Variants in IGSF22 observed in about 807,000 individuals in gnomAD.
The protein encoded by IGSF22 is immunoglobulin superfamily member 22, also known as immunoglobulin superfamily, member 22.
Under a neutral mutation model 127.0 loss-of-function variants are expected in IGSF22, and 119 were observed. The ratio of observed to expected loss-of-function variants is 0.94; its 90% CI spans 0.81 to 1.09. The LOEUF is 1.09. Among genes scored for constraint, IGSF22 ranks in the 50% least tolerant of loss-of-function variants. IGSF22 has a pLI of 0.00. For synonymous variants in IGSF22, 568 were observed against 664.7 expected, an observed-to-expected ratio of 0.85 and a Z score of 2.24; for missense variants, 1,518 against 1,716.6, an observed-to-expected ratio of 0.88 and a Z score of 2.04.
chr11:18,705,290 C>G (rs1438442485), intron 22 of IGSF22: 1 of 151,680 alleles, frequency 6.6e-6, no homozygotes, highest in Non-Finnish European at 1.5e-5. Context: ...AGACAGTAGA[C>G]TGGGAAGGAA....
rs1198880037 is a variant in IGSF22 at position 18,715,460 on chromosome 11, G to A, written c.1503C>T (p.Tyr501=). 2 of 1,613,042 alleles carry A rather than the reference G, an allele frequency of 1.2e-6. No homozygotes were observed. Among genetic ancestry groups the A allele is most frequent in the Non-Finnish European group, 1.7e-6 (2 of 1,179,890 alleles). ...CCACAGTGACGATGGCAGTACTGTA[G>A]TATTCAGTAGGGTCTCCATCCTGCA... ...VAMQDGDPTE[Y]YSTAIVTVEE... The change falls in exon 11 of 23, where the codon TAC becomes TAT. Residue 501 remains tyrosine, a synonymous_variant. Transcript: ENST00000513874.
In IGSF22 at chr11:18,718,031, G is replaced by T; in HGVS notation, c.873C>A (p.Thr291=). Residue 291 remains threonine, a synonymous_variant, in exon 9 of 23, where the codon ACC becomes ACA. Transcript: ENST00000513874. ...CGTTGCTAATAACCAGCATGTACTT[G>T]GTGCCCATCTGCTTCACATCGTACT... The part of the protein sequence containing the change: ...LGKYDVKQMG[T]KYMLVISNVN... 1.2e-6 allele frequency: 2 copies of T among 1,614,184 alleles called. No homozygotes were observed. Among genetic ancestry groups the T allele is most frequent in the Middle Eastern group, 1.6e-4 (1 of 6,062 alleles).
chr11:18,714,642 C>T lies in IGSF22; in HGVS notation c.1532-18G>A, dbSNP rs764912780. On this transcript the variant is annotated intron_variant, in intron 11 of 22. Transcript: ENST00000513874. ...CAGACGCTCTGGGGAGAAAGGTGGG[C>T]AAGGGACTGGCTCAGGATGTTGGGG... The T allele has an allele frequency of 2.5e-6, 4 of 1,612,884 alleles. No homozygotes were observed. Among genetic ancestry groups the T allele is most frequent in the African/African-American group, 2.7e-5 (2 of 74,902 alleles).
Position 18,713,832 on chromosome 11 carries a change from C to T in IGSF22, c.2095+20G>A, listed in dbSNP as rs367964290. The T allele has an allele frequency of 4.3e-5, 68 of 1,585,864 alleles. No individual in the cohort carries two copies. The highest frequency in any genetic ancestry group is 6.8e-5 in the South Asian group (6 of 88,196). On this transcript the variant is annotated intron_variant, in intron 14 of 22. Transcript: ENST00000513874. ...CAGGTGCCCTCAGCTCAGCCCAGCC[C>T]GGACTGGCCCTGCCCTGACCCAGCA...
chr11:18,723,408 T>A (rs1342958308), intron 2 of IGSF22, among the ~76,000 whole-genome samples: 1 of 151,962 alleles, frequency 6.6e-6, no homozygotes, highest in African/African-American at 2.4e-5. Context: ...GGCCAGGAGG[T>A]GTTGGTTGGT....
Position 18,714,352 on chromosome 11 carries a change from T to C in IGSF22, c.1723A>G (p.Met575Val). The C allele has an allele frequency of 1.2e-6, 2 of 1,614,200 alleles. No individual in the cohort carries two copies. The highest frequency in any genetic ancestry group is 1.6e-4 in the Middle Eastern group (1 of 6,062). Residue 575 changes from methionine to valine, a missense_variant, in exon 13 of 23, where the codon ATG becomes GTG. Around this residue, in one of 3 missense-constraint regions of IGSF22, gnomAD observed 1,456 missense variants for 1,644.9 expected, o/e 0.89. Transcript: ENST00000513874. Reference sequence around the variant, plus strand: ...TACTTGCCCTCGTGCTCAGGGCCCATACTGGGAAAGATGAGCTTGTGCACT... The same window carrying C: ...TACTTGCCCTCGTGCTCAGGGCCCACACTGGGAAAGATGAGCTTGTGCACT... ...GAVHKLIFPS[M>V]GPEHEGKYTF...
chr11:18,715,296 C>T (rs1306818195), intron 11 of IGSF22, 136 bp downstream of exon 11: 20 of 818,064 alleles, frequency 2.4e-5, no homozygotes, highest in Non-Finnish European at 4.0e-5. Flanking sequence ...TGAGGGTGAT[C>T]AGAGTGGGGA....
rs1246178991 is a variant in IGSF22 at position 18,708,295 on chromosome 11, G to A, written c.2999C>T (p.Ala1000Val). ...GGCACTGAGGTCAAACTTGGGTGCAGCTGAGATGGAGGAGACAGAGGTGGA... is the reference window on the plus strand; with the variant it reads ...GGCACTGAGGTCAAACTTGGGTGCAACTGAGATGGAGGAGACAGAGGTGGA... ...DKGVRAMPPPAAPKFDLSARL... is the reference protein window; with the variant it reads ...DKGVRAMPPPVAPKFDLSARL... The change falls in exon 19 of 23, where the codon GCT (alanine) becomes GTT (valine). Residue 1000 changes from alanine (A) to valine (V), a missense_variant and splice_region_variant. Coordinates refer to ENST00000513874, the MANE Select transcript of IGSF22 (RefSeq NM_173588.4). 6.5e-7 allele frequency: 1 copy of A among 1,543,758 alleles called. No individual in the cohort carries two copies. Among genetic ancestry groups the A allele is most frequent in the Non-Finnish European group, 8.7e-7 (1 of 1,143,262 alleles).
rs149702932 is a variant in IGSF22, at chr11:18,705,916, C to T, written c.3811G>A (p.Val1271Ile). The change falls in exon 22 of 23, where the codon GTC (valine) becomes ATC (isoleucine). Residue 1271 changes from valine (V) to isoleucine (I), a missense_variant. Coordinates refer to ENST00000513874, the MANE Select transcript of IGSF22 (RefSeq NM_173588.4). ...TCCTTGAGCGTGCAGGTGGGGATGA[C>T]GAGGGTGCACACGCCGCTGGTGGAG... ...YNSTSGVCTL[V>I]IPTCTLKDSG... The T allele has an allele frequency of 5.3e-5, 83 of 1,551,690 alleles. No individual in the cohort carries two copies. In the African/African-American group the frequency reaches 1.0e-3, roughly 19 times the overall value.
At position 18,721,590 on chromosome 11, in the gene IGSF22, A is replaced by C; in HGVS notation, c.323T>G (p.Ile108Ser). ...ISWKRESGIPIKESAKIFYDS... is the reference protein window; with the variant it reads ...ISWKRESGIPSKESAKIFYDS... ...GTAGAATATCTTGGCGGACTCCTTG[A>C]TGGGGATGCCGCTCTCCCTCTTCCA... Residue 108 changes from isoleucine (I) to serine (S), a missense_variant, in exon 4 of 23, where the codon ATC (isoleucine) becomes AGC (serine). Physicochemically the swap from Ile to Ser is moderately radical, Grantham distance 142. Around this residue, in one of 3 missense-constraint regions of IGSF22, gnomAD observed 1,456 missense variants for 1,644.9 expected, o/e 0.89. Coordinates refer to ENST00000513874, the MANE Select transcript of IGSF22 (RefSeq NM_173588.4). 6.2e-7 allele frequency: 1 copy of C among 1,614,154 alleles called. No homozygotes were observed. Among genetic ancestry groups the C allele is most frequent in the South Asian group, 1.1e-5 (1 of 91,080 alleles).
chr11:18,721,977 T>G lies in IGSF22; in HGVS notation c.174A>C (p.Ser58=). The change falls in exon 3 of 23, where the codon TCA becomes TCC. Residue 58 remains serine (S), a synonymous_variant. Transcript: ENST00000513874. ...VEFFSLVTRS[S]NIPAGDSVPE... is the part of the protein sequence containing the mutation. ...GGACGCTGTCGCCCGCAGGGATGTT[T>G]GAGCTCCGGGTCACTAAGCTGAAGA... The G allele has an allele frequency of 3.1e-6, 5 of 1,614,020 alleles. No individual in the cohort carries two copies. Among genetic ancestry groups the G allele is most frequent in the Non-Finnish European group, 4.2e-6 (5 of 1,180,004 alleles).
At chr11:18,704,831 A>C (rs1295467211) in intron 22 of IGSF22, 1 of 360,244 alleles carries the variant, frequency 2.8e-6, no homozygotes, top group Non-Finnish European at 5.3e-6. Flanking sequence ...TCAGTGGCAG[A>C]GCCAGGGCCC....
At chr11:18,714,669 G>A in intron 11 of IGSF22, 45 bp from the exon 12 acceptor site, 1 of 1,607,140 alleles carries the variant, frequency 6.2e-7, no homozygotes, top group African/African-American at 1.3e-5. Flanking sequence ...ATGTTGGGGT[G>A]GGAGGGACTT....
At chr11:18,707,312 C>T in intron 20 of IGSF22, 99 bp from the exon 21 acceptor site, 1 of 1,107,954 alleles carries the variant, frequency 9.0e-7, no homozygotes, top group Non-Finnish European at 1.2e-6. Flanking sequence ...TAAGATGGGG[C>T]AAGTCTCAGG....
In IGSF22 at chr11:18,709,489, T is replaced by C; in HGVS notation, c.2896A>G (p.Ile966Val). ...CGGAAGAAGTATTTCTGCCTCTCGA[T>C]GAGTCCTCCCACTGTGTAGCAGGTG... ...SGTCYTVGGLIERQKYFFRIR... is the reference protein window; with the variant it reads ...SGTCYTVGGLVERQKYFFRIR... Residue 966 changes from isoleucine (I) to valine (V), a missense_variant, in exon 18 of 23, where the codon ATC becomes GTC. Ile to Val is a conservative substitution (Grantham distance 29). Around this residue, in one of 3 missense-constraint regions of IGSF22, gnomAD observed 1,456 missense variants for 1,644.9 expected, o/e 0.89. Transcript: ENST00000513874. This position sits in a 1 kb window ranked among gnomAD's most constrained non-coding sequence, Gnocchi z 4.8. The C allele has an allele frequency of 2.5e-6, 4 of 1,614,206 alleles. No homozygotes were observed. Among genetic ancestry groups the C allele is most frequent in the Non-Finnish European group, 3.4e-6 (4 of 1,180,020 alleles).
At chr11:18,724,319 GA>G in intron 1 of IGSF22, 50 bp from the exon 2 acceptor site, 1 of 927,470 alleles carries the variant, frequency 1.1e-6, no homozygotes, top group Non-Finnish European at 1.7e-6. Flanking sequence ...GTAGGAGGGA[GA>G]TTCAGAGATG....
chr11:18,716,338 G>A lies in IGSF22; in HGVS notation c.1246+390C>T, dbSNP rs1223000603. Among the ~76,000 whole-genome samples, 2 of 152,162 alleles carry A rather than the reference G, an allele frequency of 1.3e-5. No homozygotes were observed. Among genetic ancestry groups the A allele is most frequent in the African/African-American group, 4.8e-5 (2 of 41,422 alleles). On this transcript the variant is annotated intron_variant, in intron 10 of 22. Coordinates refer to ENST00000513874, the MANE Select transcript of IGSF22 (RefSeq NM_173588.4). The surrounding 1 kb of genome is among the most constrained non-coding windows in gnomAD (Gnocchi z 4.5). The stretch of plus-strand genomic sequence containing the variant: ...CAGGTGCGGTTCAGATGTGTGACAT[G>A]CTCATTGGTGTACCTACATTATGTG...
At chr11:18,722,455 T>C (rs1848591535) in intron 2 of IGSF22, among the ~76,000 whole-genome samples, 1 of 152,098 alleles carries the variant, frequency 6.6e-6, no homozygotes, top group Admixed American at 6.5e-5. Context: ...CTGCTCTAGA[T>C]TTTCTCCCTG....
At chr11:18,715,776 A>C in intron 10 of IGSF22, 60 bp from the exon 11 acceptor site, 1 of 1,542,772 alleles carries the variant, frequency 6.5e-7, no homozygotes, top group Non-Finnish European at 8.8e-7. Context: ...TTCTGCAGCT[A>C]TAGAGCCAAA....
Sources: gnomAD v4.1 joint callset for allele counts (sites outside exome capture counted in the v4.1 genomes callset) on GRCh38, gnomAD v4.1.1 for gene constraint, gnomAD v4.1.1 regional missense constraint, Gnocchi (gnomAD v3.1) non-coding constraint, MANE v1.5 for transcripts, NCBI Gene and HGNC (gene_info 2026-07-23, HGNC 2026-07-21) for gene names.